Variants in BCLAF3 observed in about 807,000 individuals in gnomAD.
BCLAF3 encodes BCLAF1 and THRAP3 family member 3.
A neutral mutation model predicts 51.2 loss-of-function variants in BCLAF3; 24 were observed. The ratio of observed to expected loss-of-function variants is 0.47; its 90% CI spans 0.34 to 0.66. The LOEUF (loss-of-function observed/expected upper bound fraction) is 0.66. Among genes scored for constraint, BCLAF3 ranks in the 30% least tolerant of loss-of-function variants. The pLI is 0.01. For missense variants in BCLAF3, 465 were observed against 525.1 expected (o/e 0.89, Z 1.12); for synonymous variants, 152 against 176.6 (o/e 0.86, Z 1.10).
intron 11 of BCLAF3, 135 bp from the exon 12 acceptor site, chrX:19,917,469 C>A: frequency 1.9e-6 from 1 of 519,833 alleles, no homozygotes; most frequent in Non-Finnish European, 3.3e-6. Flanking sequence ...CCCACGAAGG[C>A]ATGTGGAACC....
intron 1 of BCLAF3, among the ~76,000 whole-genome samples, chrX:19,980,978 T>TA (rs1322330952): frequency 9.3e-6 from 1 of 107,670 alleles, no homozygotes; most frequent in Admixed American, 1.0e-4. Context: ...GTGATAGAGT[T>TA]AAAAAAAGAA....
intron 1 of BCLAF3, among the ~76,000 whole-genome samples, chrX:19,973,041 T>C: frequency 8.9e-6 from 1 of 112,149 alleles, no homozygotes; most frequent in Non-Finnish European, 1.9e-5. Flanking sequence ...GTTTAACTTT[T>C]TGAGGATCTG....
chrX:19,966,762 A>T, intron 2 of BCLAF3, 113 bp from the exon 3 acceptor site: 1 of 593,409 alleles, frequency 1.7e-6, no homozygotes. Context: ...TTCCACTCAA[A>T]CTAAATTCAT....
chrX:19,962,383 T>C (rs1435568552), intron 4 of BCLAF3, among the ~76,000 whole-genome samples: 1 of 111,645 alleles, frequency 9.0e-6, no homozygotes, highest in African/African-American at 3.3e-5. Context: ...GGTTTCATCA[T>C]GTTGCCTAGG....
intron 4 of BCLAF3, among the ~76,000 whole-genome samples, chrX:19,960,558 G>A (rs2071818125): frequency 8.9e-6 from 1 of 111,899 alleles, no homozygotes; most frequent in Non-Finnish European, 1.9e-5. Context: ...ATTAAAGTAG[G>A]GGAGAACTTT....
At chrX:19,958,196 C>A (rs2071730473) in intron 4 of BCLAF3, among the ~76,000 whole-genome samples, 1 of 112,083 alleles carries the variant, frequency 8.9e-6, no homozygotes, top group Middle Eastern at 4.2e-3. Flanking sequence ...AAGGATATTT[C>A]CACTGATGTT....
In BCLAF3 at chrX:19,963,792, T is replaced by A. The variant is rs368979945; in HGVS notation, c.1274+1252A>T. Among the ~76,000 whole-genome samples the A allele has an allele frequency of 2.7e-5, 3 of 110,815 alleles. No individual in the cohort carries two copies. The East Asian group carries it at 8.5e-4, about 31-fold the overall frequency. On this transcript the variant is annotated intron_variant, in intron 4 of 11. Coordinates refer to ENST00000379682, the MANE Select transcript of BCLAF3 (RefSeq NM_001367774.2). ...GCTCTGGGAGGCCGAGGCGAGAGGA[T>A]CATTTGAGGCCAGGAGTTTGAGACC...
At position 19,953,821 on chromosome X, in the gene BCLAF3, C is replaced by A; in HGVS notation, c.1522G>T (p.Asp508Tyr). Residue 508 changes from aspartate (D) to tyrosine (Y), a missense_variant, in exon 6 of 12, where the codon GAT (aspartate) becomes TAT (tyrosine). Coordinates refer to ENST00000379682, the MANE Select transcript of BCLAF3 (RefSeq NM_001367774.2). ...GAATTCAATGGAATTTCATTTACAT[C>A]TGCCTTGTGTATATCTTGCATTGTT... The part of the protein sequence containing the change: ...FSTMQDIHKA[D>Y]VNEIPLNSDP... 1 of 1,207,248 alleles carries A rather than the reference C, an allele frequency of 8.3e-7. No homozygotes were observed.
chrX:19,954,973 A>C (rs1157436269), intron 5 of BCLAF3, among the ~76,000 whole-genome samples: 1 of 112,384 alleles, frequency 8.9e-6, no homozygotes, highest in Non-Finnish European at 1.9e-5. Flanking sequence ...CATCCTTAAG[A>C]TACAAAGTCC....
intron 1 of BCLAF3, among the ~76,000 whole-genome samples, chrX:19,990,142 GAAAAAAAA>G (rs376381001): frequency 3.9e-5 from 2 of 50,809 alleles, no homozygotes; most frequent in East Asian, 5.7e-4. Context: ...TTTGTTCCAG[GAAAAAAAA>G]AAAAAAAAAA....
intron 1 of BCLAF3, among the ~76,000 whole-genome samples, chrX:19,977,068 TAATC>T (rs1258564581): frequency 8.9e-6 from 1 of 111,781 alleles, no homozygotes; most frequent in Non-Finnish European, 1.9e-5. Context: ...GATGCGAACA[TAATC>T]AATAAATGTA....
intron 1 of BCLAF3, among the ~76,000 whole-genome samples, chrX:19,973,189 T>C (rs2072310327): frequency 3.6e-5 from 4 of 111,992 alleles, no homozygotes; most frequent in African/African-American, 1.3e-4. Flanking sequence ...TGGTATCTCA[T>C]TGTGTTTTTG....
At chrX:19,948,474 T>C (rs1420303684) in intron 8 of BCLAF3, among the ~76,000 whole-genome samples, 2 of 111,622 alleles carry the variant, frequency 1.8e-5, no homozygotes, top group African/African-American at 3.3e-5. Flanking sequence ...TGAATTTATA[T>C]GAAATGTCAG....
intron 11 of BCLAF3, among the ~76,000 whole-genome samples, chrX:19,927,359 T>G (rs1482522914): frequency 8.9e-6 from 1 of 111,942 alleles, no homozygotes; most frequent in Non-Finnish European, 1.9e-5. Context: ...TCTATTTAAC[T>G]CTAAAACATA....
At chrX:19,972,836 A>G (rs1252595756) in intron 1 of BCLAF3, among the ~76,000 whole-genome samples, 1 of 112,137 alleles carries the variant, frequency 8.9e-6, no homozygotes, top group East Asian at 2.8e-4. Context: ...AATAATAGAC[A>G]TTTCATTGTA....
chrX:19,919,993 C>A (rs1033295688), intron 11 of BCLAF3, among the ~76,000 whole-genome samples: 4 of 111,825 alleles, frequency 3.6e-5, no homozygotes, highest in African/African-American at 1.3e-4. Flanking sequence ...AGGGTCCCCA[C>A]CATTAACTGA....
At chrX:19,937,880 C>T (rs1035212934) in intron 8 of BCLAF3, among the ~76,000 whole-genome samples, 1 of 111,913 alleles carries the variant, frequency 8.9e-6, no homozygotes, top group Admixed American at 9.5e-5. Context: ...GCTCTAGAAC[C>T]TTTGGCAGCA....
At chrX:19,940,280 T>TTTA (rs2070962907) in intron 8 of BCLAF3, among the ~76,000 whole-genome samples, 2 of 102,629 alleles carry the variant, frequency 1.9e-5, no homozygotes, top group African/African-American at 3.9e-5. Context: ...TTATTTATTT[T>TTTA]TTTTTTTTTA....
At chrX:19,947,210 C>G (rs112265650) in intron 8 of BCLAF3, among the ~76,000 whole-genome samples, 8 of 111,759 alleles carry the variant, frequency 7.2e-5, no homozygotes, top group African/African-American at 2.3e-4. Flanking sequence ...CGTAACCTGC[C>G]CAGCTAAAAC....
Sources: allele counts gnomAD v4.1 joint callset (sites outside exome capture counted in the v4.1 genomes callset), GRCh38; gene constraint gnomAD v4.1.1; transcripts MANE v1.5; gene names NCBI Gene and HGNC (gene_info 2026-07-23, HGNC 2026-07-21).